The following PDE10A variants were observed in gnomAD, a reference collection of about 807,000 sequenced individuals.
The protein encoded by PDE10A is cAMP and cAMP-inhibited cGMP 3',5'-cyclic phosphodiesterase 10A.
In PDE10A, 39 loss-of-function variants were observed where a neutral mutation model predicts 97.7. The observed-to-expected ratio is 0.40, with a 90% CI of 0.31 to 0.52. The LOEUF is 0.52. Among genes scored for constraint, PDE10A ranks in the 20% least tolerant of loss-of-function variants. PDE10A has a pLI of 0.56. For synonymous variants in PDE10A, 371 were observed against 376.8 expected (o/e 0.98, Z 0.18); for missense variants, 731 against 1,047.8 (o/e 0.70, Z 4.17).
At chr6:165,559,568 CCTT>C (rs1784423868) in intron 1 of PDE10A, among the ~76,000 whole-genome samples, 1 of 151,982 alleles carries the variant, frequency 6.6e-6, no homozygotes, top group Non-Finnish European at 1.5e-5. Context: ...TTAATAAATC[CCTT>C]CTTTATTCAA....
intron 1 of PDE10A, among the ~76,000 whole-genome samples, chr6:165,920,097 T>C (rs887109175): frequency 7.2e-5 from 11 of 152,358 alleles, no homozygotes; most frequent in African/African-American, 2.2e-4. Flanking sequence ...GCCACACTTA[T>C]CTGGTTACAA....
intron 1 of PDE10A, among the ~76,000 whole-genome samples, chr6:165,643,570 A>G (rs1490454162): frequency 6.6e-6 from 1 of 152,196 alleles, no homozygotes; most frequent in Non-Finnish European, 1.5e-5. Context: ...AGTCGTGAAA[A>G]CAGATAAGTG....
chr6:165,471,288 A>AG (rs1391519969), intron 3 of PDE10A, among the ~76,000 whole-genome samples: 1 of 152,062 alleles, frequency 6.6e-6, no homozygotes, highest in Non-Finnish European at 1.5e-5. Flanking sequence ...TAGAAGTCTC[A>AG]GGCTTCTAAA....
At chr6:165,867,395 A>G (rs189592760) in intron 1 of PDE10A, among the ~76,000 whole-genome samples, 79 of 152,160 alleles carry the variant, frequency 5.2e-4, no homozygotes, top group African/African-American at 1.9e-3. Flanking sequence ...GGCAAAATAT[A>G]CTTTAAGTCT....
chr6:165,472,931 T>C (rs1779097114), intron 3 of PDE10A, among the ~76,000 whole-genome samples: 1 of 152,196 alleles, frequency 6.6e-6, no homozygotes, highest in Admixed American at 6.5e-5. Context: ...TAACAGTGTG[T>C]GTTAAGTGTC....
intron 1 of PDE10A, among the ~76,000 whole-genome samples, chr6:165,656,258 T>TCACACACA (rs3083000): frequency 5.2e-4 from 68 of 129,916 alleles, no homozygotes; most frequent in African/African-American, 1.7e-3. Flanking sequence ...TCTCTCTCTC[T>TCACACACA]CACACACACA....
intron 1 of PDE10A, among the ~76,000 whole-genome samples, chr6:165,869,126 A>G (rs974537448): frequency 6.6e-6 from 1 of 152,104 alleles, no homozygotes; most frequent in African/African-American, 2.4e-5. Flanking sequence ...AAAGAAATAA[A>G]AGGCATTCAA....
chr6:165,339,132 GT>G, intron 20 of PDE10A, 145 bp downstream of exon 20: 1 of 679,028 alleles, frequency 1.5e-6, no homozygotes, highest in Non-Finnish European at 2.7e-6. Flanking sequence ...AATTTCTGAA[GT>G]TTCTATATTA....
Position 165,450,282 on chromosome 6 carries a change from G to A in PDE10A, c.1104C>T (p.Asn368=), listed in dbSNP as rs1454820390. The change falls in exon 4 of 22, where the codon AAC becomes AAT. Residue 368 remains asparagine, a synonymous_variant. Transcript: ENST00000539869. ...IEQRLDTGGD[N]QLLLYELSSI... Reference sequence around the variant, plus strand: ...TGCTCAGTTCATAGAGGAGTAGCTGGTTGTCTCCTCCTGTGTCCAACCGTT... The same window carrying A: ...TGCTCAGTTCATAGAGGAGTAGCTGATTGTCTCCTCCTGTGTCCAACCGTT... The A allele has an allele frequency of 6.2e-7, 1 of 1,604,314 alleles. No homozygotes were observed.
chr6:165,432,554 G>T (rs470278), intron 7 of PDE10A, among the ~76,000 whole-genome samples: 113,140 of 152,086 alleles, frequency 0.74, 42,735 homozygotes, highest in African/African-American at 0.89. Flanking sequence ...GCTTTTAGTA[G>T]TAATGAGCCT....
intron 1 of PDE10A, among the ~76,000 whole-genome samples, chr6:165,551,117 T>A (rs1198360939): frequency 1.3e-5 from 2 of 152,152 alleles, no homozygotes; most frequent in Non-Finnish European, 2.9e-5. Flanking sequence ...CTTATTAACC[T>A]GTGTGTGTGT....
chr6:165,647,036 A>AT (rs1789431873), intron 1 of PDE10A, among the ~76,000 whole-genome samples: 1 of 152,218 alleles, frequency 6.6e-6, no homozygotes, highest in Non-Finnish European at 1.5e-5. Context: ...AAATGTACCC[A>AT]TAAGGAGATC....
chr6:165,817,408 G>A (rs946947974), intron 1 of PDE10A, among the ~76,000 whole-genome samples: 1 of 152,124 alleles, frequency 6.6e-6, no homozygotes, highest in South Asian at 2.1e-4. Context: ...AGAAGAGTTG[G>A]TTCAGGGCAT....
intron 1 of PDE10A, among the ~76,000 whole-genome samples, chr6:165,589,856 T>G (rs1157618370): frequency 6.6e-6 from 1 of 152,020 alleles, no homozygotes; most frequent in Non-Finnish European, 1.5e-5. Context: ...GTCTAACCAA[T>G]CAGCCACTAA....
intron 1 of PDE10A, among the ~76,000 whole-genome samples, chr6:165,699,216 C>T (rs1582951580): frequency 6.6e-6 from 1 of 152,150 alleles, no homozygotes; most frequent in Admixed American, 6.6e-5. Flanking sequence ...ACAAAATAAA[C>T]TTTAATACAA....
At chr6:165,507,270 A>G (rs7752880) in intron 2 of PDE10A, among the ~76,000 whole-genome samples, 50,266 of 151,846 alleles carry the variant, frequency 0.33, 10,121 homozygotes, top group African/African-American at 0.57. Flanking sequence ...TGTTCCTGCA[A>G]TCAAGGCTAG....
intron 21 of PDE10A, among the ~76,000 whole-genome samples, chr6:165,334,715 G>A (rs1392434661): frequency 1.3e-5 from 2 of 152,114 alleles, no homozygotes; most frequent in African/African-American, 4.8e-5. Flanking sequence ...TTGTAATAAG[G>A]TAAGATTTTA....
intron 1 of PDE10A, among the ~76,000 whole-genome samples, chr6:165,653,803 C>T (rs1583722187): frequency 6.6e-6 from 1 of 150,994 alleles, no homozygotes; most frequent in Non-Finnish European, 1.5e-5. Context: ...CACCTCCCCA[C>T]GCCTTCCCCC....
intron 13 of PDE10A, among the ~76,000 whole-genome samples, chr6:165,406,227 G>GGTGTGTGTGTGTGT (rs1562431357): frequency 1.3e-4 from 4 of 30,504 alleles, no homozygotes; most frequent in South Asian, 6.6e-4. Flanking sequence ...GAGGGAAAAG[G>GGTGTGTGTGTGTGT]ATGTGTGTGT....
Sources: gnomAD v4.1 joint callset for allele counts (sites outside exome capture counted in the v4.1 genomes callset) on GRCh38, gnomAD v4.1.1 for gene constraint, MANE v1.5 for transcripts, NCBI Gene and HGNC (gene_info 2026-07-23, HGNC 2026-07-21) for gene names.